SEMA3A: variants seen among roughly 807,000 people sequenced by gnomAD.
SEMA3A encodes semaphorin-3A.
Under a neutral mutation model 97.9 loss-of-function variants are expected in SEMA3A, and 29 were observed. The observed-to-expected ratio is 0.30, with a 90% CI of 0.22 to 0.40. SEMA3A has a LOEUF of 0.40. Among genes scored for constraint, SEMA3A ranks in the 10% least tolerant of loss-of-function variants. The pLI, the probability that SEMA3A is intolerant of heterozygous loss-of-function variation, is 1.00. For synonymous variants in SEMA3A, 321 were observed against 323.7 expected (o/e 0.99, Z 0.09); for missense variants, 763 against 951.3 (o/e 0.80, Z 2.60).
Position 83,959,242 on chromosome 7 carries a change from TAA to T in SEMA3A, c.*2127_*2128del, listed in dbSNP as rs1057005181. The T allele has an allele frequency of 1.6e-4, 24 of 152,052 alleles. No homozygotes were observed. Among genetic ancestry groups the T allele is most frequent in the African/African-American group, 5.3e-4 (22 of 41,578 alleles). The allele number at this position is 152,052 out of a possible 1,614,324, so 9.4% of individuals were successfully genotyped here. On this transcript the variant is annotated 3_prime_UTR_variant, in exon 17 of 17. Transcript: ENST00000265362. ...ATCCTTTATTTCTGAGGATGAATAA[TAA>T]GATATTTCTGCTATCGCAAATAAAT... is the stretch of plus-strand genomic sequence containing the variant.
At chr7:84,386,122 C>G (rs1584281917) in intron 1 of SEMA3A, among the ~76,000 whole-genome samples, 1 of 152,150 alleles carries the variant, frequency 6.6e-6, no homozygotes, top group African/African-American at 2.4e-5. Context: ...TGGGATCACT[C>G]AACTGATACC....
chr7:83,982,743 T>A lies in SEMA3A; in HGVS notation c.1495-1265A>T, dbSNP rs757636023. On this transcript the variant is annotated intron_variant, in intron 13 of 16. Coordinates refer to ENST00000265362, the MANE Select transcript of SEMA3A (RefSeq NM_006080.3). ...ACATTTTCTAATAGTTAACAATGAA[T>A]ATAAATGAAATTGCATTTCCAAAGG... Among the ~76,000 whole-genome samples, 43 of 152,258 alleles carry A rather than the reference T, an allele frequency of 2.8e-4. 1 individual carries two copies. Among genetic ancestry groups the A allele is most frequent in the Middle Eastern group, 3.4e-3 (1 of 294 alleles).
chr7:84,491,935 A>C lies in SEMA3A; in HGVS notation c.-246+525T>G, dbSNP rs542547115. Among the ~76,000 whole-genome samples, 20 of 152,266 alleles carry C rather than the reference A, an allele frequency of 1.3e-4. No individual in the cohort carries two copies. The South Asian group carries it at 1.7e-3, about 13-fold the overall frequency. ...TGCTGCTACAACCTAATACTCTTTT[A>C]GAGTTTTTAGTGTCACTTCTCTAGT... On this transcript the variant is annotated intron_variant, in intron 1 of 3. Coordinates refer to the SEMA3A transcript ENST00000424555.
At position 84,023,493 on chromosome 7, in the gene SEMA3A, T is replaced by C. The variant is rs75661474; in HGVS notation, c.668-9142A>G. The stretch of plus-strand genomic sequence containing the variant: ...ACACAAATTACATAAATTTCATTTG[T>C]AAAAAGGGTGGAATTAATAATTATA... On this transcript the variant is annotated intron_variant, in intron 6 of 16. Coordinates refer to ENST00000265362, the MANE Select transcript of SEMA3A (RefSeq NM_006080.3). 4.6e-3 allele frequency among the ~76,000 whole-genome samples: 699 copies of C among 152,274 alleles called. 4 individuals carry two copies. Among genetic ancestry groups the C allele is most frequent in the East Asian group, 0.016 (81 of 5,176 alleles).
At chr7:84,446,897 T>C (rs2527530) in intron 1 of SEMA3A, among the ~76,000 whole-genome samples, 48,717 of 151,780 alleles carry the variant, frequency 0.32, 9,373 homozygotes, top group African/African-American at 0.54. Flanking sequence ...CCACCTGCTT[T>C]TAAGTGGGTG....
rs1333606809 is a variant in SEMA3A at position 84,091,298 on chromosome 7, GAA to G, written c.453+19170_453+19171del. On this transcript the variant is annotated intron_variant, in intron 4 of 16. Transcript: ENST00000265362. ...AAGAAAAGAAAGAAAGAAAGAAAAA[GAA>G]AAAGAAAGGAAGGAAGGAAGGAAGA... is the stretch of plus-strand genomic sequence containing the variant. Among the ~76,000 whole-genome samples the G allele has an allele frequency of 7.1e-3, 572 of 81,008 alleles. 3 individuals are homozygous for G. Among genetic ancestry groups the G allele is most frequent in the African/African-American group, 0.017 (500 of 29,214 alleles). 53.1% of individuals were successfully genotyped at this position (81,008 alleles called of 152,430 possible).
chr7:84,360,392 C>T (rs1012053035), intron 2 of SEMA3A, among the ~76,000 whole-genome samples: 3 of 152,028 alleles, frequency 2.0e-5, no homozygotes, highest in African/African-American at 7.2e-5. Flanking sequence ...GCCTTCATTT[C>T]GTTATGTACC....
chr7:84,203,628 T>G (rs2116303161), intron 3 of SEMA3A, among the ~76,000 whole-genome samples: 1 of 147,716 alleles, frequency 6.8e-6, no homozygotes, highest in Admixed American at 6.8e-5. Flanking sequence ...GTCTCCCAGG[T>G]TTAGGCAATT....
intron 5 of SEMA3A, among the ~76,000 whole-genome samples, chr7:84,056,783 T>C (rs1490265154): frequency 2.0e-5 from 3 of 152,024 alleles, no homozygotes; most frequent in Admixed American, 6.6e-5. Flanking sequence ...CAACAGTTTA[T>C]ATGTCTACAT....
chr7:84,195,699 G>A (rs949508193), upstream of SEMA3A, among the ~76,000 whole-genome samples: 2 of 152,096 alleles, frequency 1.3e-5, no homozygotes, highest in African/African-American at 2.4e-5. Context: ...AACGTCTATG[G>A]TTTTCCAGCT....
At chr7:84,125,536 T>A (rs1795764645) in intron 3 of SEMA3A, among the ~76,000 whole-genome samples, 1 of 152,202 alleles carries the variant, frequency 6.6e-6, no homozygotes. Flanking sequence ...ACACCTGTAA[T>A]CCCAGCTACT....
intron 2 of SEMA3A, among the ~76,000 whole-genome samples, chr7:84,352,291 G>T (rs1041396002): frequency 1.3e-5 from 2 of 151,840 alleles, no homozygotes; most frequent in African/African-American, 4.8e-5. Flanking sequence ...ATAGTTAGAC[G>T]ATATGAATGA....
At chr7:84,484,051 A>T (rs1057259048) in intron 1 of SEMA3A, among the ~76,000 whole-genome samples, 5 of 151,382 alleles carry the variant, frequency 3.3e-5, no homozygotes. Context: ...TCTCAAAAAA[A>T]AGAAAAAAAA....
At chr7:84,003,824 T>C (rs1441855388) in intron 11 of SEMA3A, among the ~76,000 whole-genome samples, 2 of 149,888 alleles carry the variant, frequency 1.3e-5, no homozygotes, top group Middle Eastern at 3.4e-3. Flanking sequence ...GTTCTAAGGA[T>C]ATTTATAACC....
At chr7:84,356,767 T>C (rs648653) in intron 2 of SEMA3A, among the ~76,000 whole-genome samples, 43,577 of 151,670 alleles carry the variant, frequency 0.29, 6,742 homozygotes, top group African/African-American at 0.38. Flanking sequence ...TTGTTCTCTA[T>C]TTAAGTAAAT....
chr7:84,386,078 C>T (rs193023910), intron 1 of SEMA3A, among the ~76,000 whole-genome samples: 1 of 152,266 alleles, frequency 6.6e-6, no homozygotes, highest in African/African-American at 2.4e-5. Flanking sequence ...TTTCCAAAGT[C>T]ACTAATATCA....
intron 15 of SEMA3A, among the ~76,000 whole-genome samples, chr7:83,966,321 ATT>A (rs1331112981): frequency 4.6e-5 from 7 of 152,276 alleles, no homozygotes; most frequent in African/African-American, 1.7e-4. Context: ...ATGATAACAA[ATT>A]GTTTTTAGTT....
At chr7:84,102,730 G>A (rs1018968557) in intron 4 of SEMA3A, among the ~76,000 whole-genome samples, 11 of 150,566 alleles carry the variant, frequency 7.3e-5, no homozygotes, top group East Asian at 4.0e-4. Flanking sequence ...ACAGATGCCC[G>A]CCACCACACC....
chr7:84,027,096 C>A (rs771153608), intron 6 of SEMA3A, among the ~76,000 whole-genome samples: 1 of 151,938 alleles, frequency 6.6e-6, no homozygotes, highest in Non-Finnish European at 1.5e-5. Context: ...CAATATTTTA[C>A]AATATTTACA....
Sources: gnomAD v4.1 joint callset for allele counts (sites outside exome capture counted in the v4.1 genomes callset) on GRCh38, gnomAD v4.1.1 for gene constraint, MANE v1.5 for transcripts, NCBI Gene and HGNC (gene_info 2026-07-23, HGNC 2026-07-21) for gene names.